The following ONECUT1 variants were observed in gnomAD, a reference collection of about 807,000 sequenced individuals.
The protein encoded by ONECUT1 is one cut homeobox 1, also known as hepatocyte nuclear factor 6.
ONECUT1 carries 12 observed loss-of-function variants against 25.6 expected under a neutral mutation model. The observed-to-expected ratio is 0.47, with a 90% CI of 0.30 to 0.76. The LOEUF is 0.76. ONECUT1 is among the 30% of genes least tolerant of loss of function. The probability of loss-of-function intolerance (pLI) is 0.07; values close to 1 mark genes in which losing one functional copy is unlikely to be tolerated. For missense variants in ONECUT1, 620 were observed against 651.2 expected (o/e 0.95, Z 0.52); for synonymous variants, 285 against 270.2 (o/e 1.05, Z -0.54).
chr15:52,769,555 C>T (rs1261527502), intron 1 of ONECUT1, among the ~76,000 whole-genome samples: 2 of 152,180 alleles, frequency 1.3e-5, no homozygotes, highest in East Asian at 3.9e-4. Flanking sequence ...ATGTCACTGA[C>T]TGGGAAGTCA....
At chr15:52,766,357 G>A (rs1052742368) in intron 1 of ONECUT1, among the ~76,000 whole-genome samples, 2 of 152,010 alleles carry the variant, frequency 1.3e-5, no homozygotes, top group African/African-American at 4.8e-5. Context: ...GGCAGCACCA[G>A]TGAAACATCA....
intron 1 of ONECUT1, among the ~76,000 whole-genome samples, chr15:52,764,653 T>C (rs369612260): frequency 6.6e-6 from 1 of 152,134 alleles, no homozygotes; most frequent in African/African-American, 2.4e-5. Context: ...GCAGAGAAAG[T>C]GGACTAGAGA....
intron 1 of ONECUT1, among the ~76,000 whole-genome samples, chr15:52,758,853 A>G (rs989844390): frequency 2.0e-5 from 3 of 152,156 alleles, no homozygotes; most frequent in Non-Finnish European, 4.4e-5. Flanking sequence ...CACCTGCTAG[A>G]GGACTATCAA....
chr15:52,776,297 A>G (rs115468645), intron 1 of ONECUT1, among the ~76,000 whole-genome samples: 1,814 of 152,246 alleles, frequency 0.012, 32 homozygotes, highest in African/African-American at 0.042. Flanking sequence ...CATCCACATA[A>G]CCACTCTGCA....
At position 52,789,468 on chromosome 15, in the gene ONECUT1, C is replaced by CTGGTGGTGGTGCGGG. The variant is rs760601007; in HGVS notation, c.402_416dup (p.His134_His138dup). The CTGGTGGTGGTGCGGG allele has an allele frequency of 1.2e-6, 2 of 1,613,608 alleles. No homozygotes were observed. The highest frequency in any genetic ancestry group is 1.7e-6 in the Non-Finnish European group (2 of 1,179,970). ...TACCGCTCACGTTGCCCGCCAGGCG[C>CTGGTGGTGGTGCGGG]TGGTGGTGGTGCGGGTGGTGGTGGT... is the stretch of plus-strand genomic sequence containing the variant. On this transcript the variant is annotated inframe_insertion, in exon 1 of 2. Coordinates refer to ENST00000305901, the MANE Select transcript of ONECUT1 (RefSeq NM_004498.4). The surrounding 1 kb of genome is among the most constrained non-coding windows in gnomAD (Gnocchi z 4.1).
chr15:52,771,111 A>G (rs2083764858), intron 1 of ONECUT1, among the ~76,000 whole-genome samples: 1 of 152,176 alleles, frequency 6.6e-6, no homozygotes, highest in African/African-American at 2.4e-5. Context: ...GTGCTCAAAA[A>G]TATAAGTACA....
At chr15:52,769,483 T>G (rs78564613) in intron 1 of ONECUT1, among the ~76,000 whole-genome samples, 1 of 152,146 alleles carries the variant, frequency 6.6e-6, no homozygotes, top group South Asian at 2.1e-4. Flanking sequence ...GGGAGATTTC[T>G]GAAATGTTAT....
Position 52,789,902 on chromosome 15 carries a change from G to A in ONECUT1, c.-18C>T, listed in dbSNP as rs556173653. On this transcript the variant is annotated 5_prime_UTR_variant, in exon 1 of 2. Transcript: ENST00000305901. The surrounding 1 kb of genome is among the most constrained non-coding windows in gnomAD (Gnocchi z 4.1). ...GCGTTCATCGTGATCCGGGCGAGCA[G>A]GCGGCGGACACAACATCGATGTGGC... 2.0e-6 allele frequency: 3 copies of A among 1,513,914 alleles called. No homozygotes were observed. The highest frequency in any genetic ancestry group is 2.9e-5 in the African/African-American group (2 of 69,246). The allele number at this position is 1,513,914 out of a possible 1,614,324, so 93.8% of individuals were successfully genotyped here.
At position 52,783,912 on chromosome 15, in the gene ONECUT1, C is replaced by A. The variant is rs76175373; in HGVS notation, c.1105+4868G>T. Among the ~76,000 whole-genome samples, 1,164 of 152,350 alleles carry A rather than the reference C, an allele frequency of 7.6e-3. 14 individuals are homozygous for A. The highest frequency in any genetic ancestry group is 0.026 in the African/African-American group (1,099 of 41,572). On this transcript the variant is annotated intron_variant, in intron 1 of 1. Transcript: ENST00000305901. ...AGGCATTGTTAGGTACCCCGACAGA[C>A]CCTCTAGATATCCTTCTCTTCCTCC... is the stretch of plus-strand genomic sequence containing the variant.
chr15:52,788,764 T>A lies in ONECUT1; in HGVS notation c.1105+16A>T. The A allele has an allele frequency of 6.3e-7, 1 of 1,598,240 alleles. No individual in the cohort carries two copies. The highest frequency in any genetic ancestry group is 8.5e-7 in the Non-Finnish European group (1 of 1,171,612). ...GTACCTTATCTCCCGCGCGCCCAGC[T>A]CCTTGGCCGGCTCACCTGCTAAGCG... On this transcript the variant is annotated intron_variant, in intron 1 of 1. Transcript: ENST00000305901. This position sits in a 1 kb window ranked among gnomAD's most constrained non-coding sequence, Gnocchi z 4.3.
intron 1 of ONECUT1, among the ~76,000 whole-genome samples, chr15:52,767,279 C>T (rs1357474200): frequency 6.6e-6 from 1 of 152,152 alleles, no homozygotes; most frequent in Non-Finnish European, 1.5e-5. Context: ...CCAGCTTTCG[C>T]TTTCTTTGAC....
At position 52,784,150 on chromosome 15, in the gene ONECUT1, G is replaced by C. The variant is rs577722092; in HGVS notation, c.1105+4630C>G. Among the ~76,000 whole-genome samples the C allele has an allele frequency of 9.8e-5, 15 of 152,304 alleles. No homozygotes were observed. The East Asian group carries it at 2.5e-3, about 26-fold the overall frequency. On this transcript the variant is annotated intron_variant, in intron 1 of 1. Transcript: ENST00000305901. This position sits in a 1 kb window ranked among gnomAD's most constrained non-coding sequence, Gnocchi z 5.0. ...CCCCCAGAAAGGGAGCCGAATGGAG[G>C]GAAGCAGGGAGCGCGGAGGGCTCGA...
chr15:52,775,243 C>G (rs1299610141), intron 1 of ONECUT1, among the ~76,000 whole-genome samples: 1 of 151,488 alleles, frequency 6.6e-6, no homozygotes, highest in African/African-American at 2.4e-5. Flanking sequence ...CACTGAAGCA[C>G]TTGGGAGCAT....
At position 52,789,643 on chromosome 15, in the gene ONECUT1, C is replaced by A. The variant is rs142641519; in HGVS notation, c.242G>T (p.Gly81Val). Residue 81 changes from glycine to valine, a missense_variant, in exon 1 of 2, where the codon GGC becomes GTC. By Grantham distance (109) the Gly-to-Val change is moderately radical. This residue lies in a region of ONECUT1 where 440 missense variants were observed against 404.9 expected (regional missense o/e 1.09). Transcript: ENST00000305901. This position sits in a 1 kb window ranked among gnomAD's most constrained non-coding sequence, Gnocchi z 4.1. ...CATGGTCATGGTGGGATGCAGGGGG[C>A]CGGCCAGGCTGTGCTCAGGGGCCCG... ...HHRAPEHSLA[G>V]PLHPTMTMAC... 1 of 1,550,470 alleles carries A rather than the reference C, an allele frequency of 6.4e-7. No individual in the cohort carries two copies. Among genetic ancestry groups the A allele is most frequent in the Non-Finnish European group, 8.7e-7 (1 of 1,148,896 alleles).
rs1354829587 is a variant in ONECUT1 at position 52,784,260 on chromosome 15, C to T, written c.1105+4520G>A. Among the ~76,000 whole-genome samples the T allele has an allele frequency of 6.6e-6, 1 of 152,222 alleles. No individual in the cohort carries two copies. The highest frequency in any genetic ancestry group is 2.4e-5 in the African/African-American group (1 of 41,456). On this transcript the variant is annotated intron_variant, in intron 1 of 1. Coordinates refer to ENST00000305901, the MANE Select transcript of ONECUT1 (RefSeq NM_004498.4). The surrounding 1 kb of genome is among the most constrained non-coding windows in gnomAD (Gnocchi z 5.0). ...CCGTGCTATTGTTGGCACTGTCCGACCCAAGTGTCGGTGGTAAGCGGCGAT... is the reference window on the plus strand; with the variant it reads ...CCGTGCTATTGTTGGCACTGTCCGATCCAAGTGTCGGTGGTAAGCGGCGAT...
intron 1 of ONECUT1, among the ~76,000 whole-genome samples, chr15:52,777,831 C>T (rs1352258166): frequency 2.6e-5 from 4 of 152,016 alleles, no homozygotes; most frequent in South Asian, 2.1e-4. Flanking sequence ...GTCCTGAGCA[C>T]GGAACTTGCT....
At chr15:52,777,217 G>T (rs1172043076) in intron 1 of ONECUT1, among the ~76,000 whole-genome samples, 1 of 152,128 alleles carries the variant, frequency 6.6e-6, no homozygotes, top group African/African-American at 2.4e-5. Context: ...CAGAGCTATA[G>T]GTTATTCCAG....
chr15:52,767,220 A>G (rs990068962), intron 1 of ONECUT1, among the ~76,000 whole-genome samples: 2 of 151,822 alleles, frequency 1.3e-5, no homozygotes, highest in Admixed American at 1.3e-4. Flanking sequence ...CGGGAGGTAC[A>G]CCTCCCGCTC....
chr15:52,764,877 T>C (rs2083725229), intron 1 of ONECUT1, among the ~76,000 whole-genome samples: 1 of 152,210 alleles, frequency 6.6e-6, no homozygotes, highest in African/African-American at 2.4e-5. Context: ...GCAAGGGGTG[T>C]CTTGCCTGGA....
Sources: gnomAD v4.1 joint callset for allele counts (sites outside exome capture counted in the v4.1 genomes callset) on GRCh38, gnomAD v4.1.1 for gene constraint, gnomAD v4.1.1 regional missense constraint, Gnocchi (gnomAD v3.1) non-coding constraint, MANE v1.5 for transcripts, NCBI Gene and HGNC (gene_info 2026-07-23, HGNC 2026-07-21) for gene names.